PKIB: variants seen among roughly 807,000 people sequenced by gnomAD.
PKIB encodes the protein PKI-beta.
Under a neutral mutation model 4.5 loss-of-function variants are expected in PKIB, and 2 were observed. The observed-to-expected ratio is 0.44, with a 90% CI of 0.18 to 1.39. The LOEUF is 1.39. PKIB is among the 40% of genes most tolerant of loss of function. The probability of loss-of-function intolerance (pLI) is 0.27; values close to 1 mark genes in which losing one functional copy is unlikely to be tolerated. For synonymous variants in PKIB, 38 were observed against 36.0 expected (o/e 1.06, Z -0.20); for missense variants, 94 against 92.6 (o/e 1.02, Z -0.06).
intron 2 of PKIB, among the ~76,000 whole-genome samples, chr6:122,553,379 G>A (rs1489447416): frequency 2.0e-5 from 3 of 151,218 alleles, no homozygotes; most frequent in Non-Finnish European, 4.4e-5. Flanking sequence ...CCACAAAGCC[G>A]ATTGATATCC....
At chr6:122,724,358 C>T (rs144480996) in intron 4 of PKIB, among the ~76,000 whole-genome samples, 4 of 152,232 alleles carry the variant, frequency 2.6e-5, no homozygotes, top group East Asian at 1.9e-4. Context: ...AGGAGTAACA[C>T]CAGGAGCCAG....
intron 1 of PKIB, among the ~76,000 whole-genome samples, chr6:122,627,991 A>G (rs935717971): frequency 2.6e-5 from 4 of 152,036 alleles, no homozygotes; most frequent in Admixed American, 2.6e-4. Flanking sequence ...TAACATATAT[A>G]CTTTTAAAAA....
chr6:122,579,716 A>G (rs1045338498), intron 2 of PKIB, among the ~76,000 whole-genome samples: 1 of 152,224 alleles, frequency 6.6e-6, no homozygotes, highest in African/African-American at 2.4e-5. Context: ...GGCCCCATGT[A>G]TCAAGATCAG....
In PKIB at chr6:122,634,307, T is replaced by C. The variant is rs546302551; in HGVS notation, c.-76+940T>C. Among the ~76,000 whole-genome samples, 9 of 152,074 alleles carry C rather than the reference T, an allele frequency of 5.9e-5. No homozygotes were observed. In the South Asian group the frequency reaches 6.2e-4, roughly 11 times the overall value. On this transcript the variant is annotated intron_variant, in intron 2 of 4. Transcript: ENST00000368452. ...AACCACCATGGCACGTGTATACCTATGCAACAAACCTGCACATTCTGCACA... is the reference window on the plus strand; with the variant it reads ...AACCACCATGGCACGTGTATACCTACGCAACAAACCTGCACATTCTGCACA...
chr6:122,630,520 G>A (rs956633178), intron 1 of PKIB, among the ~76,000 whole-genome samples: 1 of 152,022 alleles, frequency 6.6e-6, no homozygotes, highest in African/African-American at 2.4e-5. Flanking sequence ...GGTTGTCAGG[G>A]GTTTTGAAAA....
intron 1 of PKIB, among the ~76,000 whole-genome samples, chr6:122,618,842 T>C (rs1490403695): frequency 1.3e-5 from 2 of 152,120 alleles, no homozygotes; most frequent in Non-Finnish European, 2.9e-5. Flanking sequence ...GACATAGAAT[T>C]GCTGCATCAG....
chr6:122,477,533 C>T (rs1031264358), intron 1 of PKIB, among the ~76,000 whole-genome samples: 2 of 152,222 alleles, frequency 1.3e-5, no homozygotes, highest in Non-Finnish European at 2.9e-5. Context: ...CTTTATTTTC[C>T]AGTAATCCAT....
chr6:122,600,019 A>AGC (rs1774312971), intron 3 of PKIB, among the ~76,000 whole-genome samples: 1 of 151,510 alleles, frequency 6.6e-6, no homozygotes, highest in Non-Finnish European at 1.5e-5. Context: ...CTATATCTAT[A>AGC]TCTATATCTA....
chr6:122,668,496 A>G (rs1777321434), intron 2 of PKIB, among the ~76,000 whole-genome samples: 1 of 152,202 alleles, frequency 6.6e-6, no homozygotes, highest in South Asian at 2.1e-4. Flanking sequence ...AAGCAGCTAT[A>G]CTACACATTC....
At chr6:122,510,092 T>A (rs562781780) in intron 2 of PKIB, among the ~76,000 whole-genome samples, 159 of 152,262 alleles carry the variant, frequency 1.0e-3, no homozygotes, top group African/African-American at 3.8e-3. Context: ...TTTAAGGTTT[T>A]TAAAGAATTT....
intron 1 of PKIB, among the ~76,000 whole-genome samples, chr6:122,613,577 C>T (rs9320881): frequency 6.6e-5 from 10 of 151,894 alleles, no homozygotes; most frequent in Admixed American, 3.3e-4. Context: ...AAGTCATTAC[C>T]AGGTAGTGAC....
At chr6:122,583,092 A>G (rs1183163838) in intron 2 of PKIB, among the ~76,000 whole-genome samples, 1 of 151,930 alleles carries the variant, frequency 6.6e-6, no homozygotes, top group Non-Finnish European at 1.5e-5. Flanking sequence ...CCTTTTTTCT[A>G]TTTATCTTAA....
intron 2 of PKIB, among the ~76,000 whole-genome samples, chr6:122,554,900 A>AGCTT (rs544764508): frequency 6.2e-4 from 95 of 152,334 alleles, no homozygotes; most frequent in East Asian, 4.6e-3. Flanking sequence ...TTGGGGAAAA[A>AGCTT]TAAGTTTCCT....
intron 2 of PKIB, among the ~76,000 whole-genome samples, chr6:122,530,043 C>T (rs1168203016): frequency 6.6e-6 from 1 of 151,898 alleles, no homozygotes; most frequent in African/African-American, 2.4e-5. Context: ...TTTCTCTCCT[C>T]TCCTCCTAGT....
chr6:122,709,294 TAACA>T lies in PKIB; in HGVS notation c.-8-8487_-8-8484del, dbSNP rs555332724. Reference sequence around the variant, plus strand: ...TTCCCATTGCTCCATATAGACCGTGTAACAAACAAGAGGACTAAGGGCAGTCACT... The same window carrying T: ...TTCCCATTGCTCCATATAGACCGTGTAACAAGAGGACTAAGGGCAGTCACT... On this transcript the variant is annotated intron_variant, in intron 3 of 4. Transcript: ENST00000368452. Among the ~76,000 whole-genome samples the T allele has an allele frequency of 1.6e-3, 242 of 152,294 alleles. 1 individual carries two copies. Among genetic ancestry groups the T allele is most frequent in the African/African-American group, 5.6e-3 (232 of 41,576 alleles).
At chr6:122,633,723 A>G (rs1294059971) in intron 2 of PKIB, among the ~76,000 whole-genome samples, 5 of 152,170 alleles carry the variant, frequency 3.3e-5, no homozygotes, top group Admixed American at 1.3e-4. Flanking sequence ...AGCCTTTAAA[A>G]TAGAAGAGAA....
At chr6:122,533,208 C>T (rs893630639) in intron 2 of PKIB, among the ~76,000 whole-genome samples, 4 of 151,800 alleles carry the variant, frequency 2.6e-5, no homozygotes, top group African/African-American at 4.8e-5. Context: ...CTTGGTCTGT[C>T]GCCCAGACTG....
At chr6:122,686,307 C>T (rs1778088922) in intron 3 of PKIB, among the ~76,000 whole-genome samples, 1 of 152,092 alleles carries the variant, frequency 6.6e-6, no homozygotes, top group South Asian at 2.1e-4. Context: ...TCATCCTCAC[C>T]AGCATTTGTT....
intron 2 of PKIB, among the ~76,000 whole-genome samples, chr6:122,579,571 TAAA>T (rs1773646354): frequency 6.6e-6 from 1 of 152,170 alleles, no homozygotes; most frequent in African/African-American, 2.4e-5. Context: ...CAATAATTAG[TAAA>T]AAAGCAAAGT....
Sources: gnomAD v4.1 joint callset for allele counts (sites outside exome capture counted in the v4.1 genomes callset) on GRCh38, gnomAD v4.1.1 for gene constraint, MANE v1.5 for transcripts, NCBI Gene and HGNC (gene_info 2026-07-23, HGNC 2026-07-21) for gene names.